The following COLGALT1 variants were observed in gnomAD, a reference collection of about 807,000 sequenced individuals.
The protein encoded by COLGALT1 is collagen beta(1-O)galactosyltransferase 1.
COLGALT1 carries 43 observed loss-of-function variants against 60.8 expected under a neutral mutation model. The ratio of observed to expected loss-of-function variants is 0.71; its 90% CI spans 0.55 to 0.91. COLGALT1 has a LOEUF of 0.91. Among genes scored for constraint, COLGALT1 ranks in the 40% least tolerant of loss-of-function variants. The pLI is 0.00. For missense variants in COLGALT1, 845 were observed against 880.0 expected, an observed-to-expected ratio of 0.96 and a Z score of 0.50; for synonymous variants, 369 against 374.2, an observed-to-expected ratio of 0.99 and a Z score of 0.16.
rs781729335 is a variant in COLGALT1, at chr19:17,578,101, G to T, written c.1266+12G>T. 3.8e-6 allele frequency: 6 copies of T among 1,589,312 alleles called. No homozygotes were observed. The highest frequency in any genetic ancestry group is 4.3e-6 in the Non-Finnish European group (5 of 1,166,654). On this transcript the variant is annotated intron_variant, in intron 9 of 11. Transcript: ENST00000252599. ...ACATCTGGAAGGAGGTGTGTCCTGA[G>T]TGATGGGCGGGGCCAGAGTTATGAC...
chr19:17,580,145 AGT>A lies in COLGALT1; in HGVS notation c.1394+540_1394+541del, dbSNP rs368771928. The A allele has an allele frequency of 2.6e-4, 47 of 183,128 alleles. No homozygotes were observed. In the East Asian group the frequency reaches 5.6e-3, roughly 22 times the overall value. The allele number at this position is 183,128 out of a possible 1,614,324, so 11.3% of individuals were successfully genotyped here. ...GTCAGAGCTGGAGGTGTGGCCGAAG[AGT>A]GTGGGGGCGTGGCCAGGGCGCCTGG... On this transcript the variant is annotated intron_variant, in intron 10 of 11. Transcript: ENST00000252599.
intron 5 of COLGALT1, among the ~76,000 whole-genome samples, 186 bp from the exon 6 acceptor site, chr19:17,572,297 C>T (rs1013944565): frequency 7.2e-6 from 1 of 137,934 alleles, no homozygotes; most frequent in African/African-American, 2.5e-5. Flanking sequence ...GAGTGAGACT[C>T]TGTCTTAAAA....
intron 1 of COLGALT1, among the ~76,000 whole-genome samples, chr19:17,556,280 G>T (rs2076210823): frequency 6.6e-6 from 1 of 152,216 alleles, no homozygotes; most frequent in South Asian, 2.1e-4. Context: ...CACCGCTTCT[G>T]CCTGCTGGAC....
In COLGALT1 at chr19:17,577,576, C is replaced by T. The variant is rs948828298; in HGVS notation, c.1133+109C>T. On this transcript the variant is annotated intron_variant, in intron 8 of 11. Coordinates refer to ENST00000252599, the MANE Select transcript of COLGALT1 (RefSeq NM_024656.4). ...GATGGGGGCGGGCGTGGTGTCCAAA[C>T]AGATGTAGACCTCGTCAGTGGGCGT... 3 of 1,017,258 alleles carry T rather than the reference C, an allele frequency of 2.9e-6. No individual in the cohort carries two copies. In the African/African-American group the frequency reaches 4.9e-5, roughly 17 times the overall value. 63.0% of individuals were successfully genotyped at this position (1,017,258 alleles called of 1,614,324 possible).
At chr19:17,566,789 T>C (rs1254979465) in intron 3 of COLGALT1, among the ~76,000 whole-genome samples, 1 of 151,962 alleles carries the variant, frequency 6.6e-6, no homozygotes, top group Non-Finnish European at 1.5e-5. Flanking sequence ...AGCAAGATGC[T>C]ATCCCTTTAA....
chr19:17,580,039 T>TGAGGCCTG (rs1262297436), intron 10 of COLGALT1: 5 of 193,528 alleles, frequency 2.6e-5, no homozygotes, highest in African/African-American at 4.6e-5. Context: ...GCTTAGAGAC[T>TGAGGCCTG]TGACTGAGGC....
At chr19:17,572,414 GA>G in intron 5 of COLGALT1, 68 bp from the exon 6 acceptor site, 2 of 1,607,746 alleles carry the variant, frequency 1.2e-6, no homozygotes, top group Non-Finnish European at 1.7e-6. Context: ...GAAGCCGTGG[GA>G]TGGAAGGCAT....
chr19:17,566,361 AAAAAAC>A (rs999209424), intron 3 of COLGALT1, among the ~76,000 whole-genome samples: 23 of 152,094 alleles, frequency 1.5e-4, no homozygotes, highest in African/African-American at 2.9e-4. Context: ...CGCCATCTCA[AAAAAAC>A]AAAAACAAAA....
intron 9 of COLGALT1, among the ~76,000 whole-genome samples, chr19:17,578,768 T>C (rs1022387160): frequency 5.3e-5 from 8 of 151,836 alleles, no homozygotes; most frequent in Admixed American, 2.0e-4. Context: ...CTCAGCACTT[T>C]GGGAGGCCGA....
chr19:17,568,493 C>G lies in COLGALT1; in HGVS notation c.625-16C>G, dbSNP rs376490239. 6.2e-7 allele frequency: 1 copy of G among 1,610,254 alleles called. No homozygotes were observed. The highest frequency in any genetic ancestry group is 1.3e-5 in the African/African-American group (1 of 74,818). Reference sequence around the variant, plus strand: ...TTTCAAGACCCCTACGCGGAACTCTCGCTCTCTCCCCACAGGGCTACTACA... The same window carrying G: ...TTTCAAGACCCCTACGCGGAACTCTGGCTCTCTCCCCACAGGGCTACTACA... On this transcript the variant is annotated splice_polypyrimidine_tract_variant and intron_variant, in intron 4 of 11. Transcript: ENST00000252599.
intron 6 of COLGALT1, among the ~76,000 whole-genome samples, chr19:17,573,677 A>G (rs2076325312): frequency 6.6e-6 from 1 of 152,168 alleles, no homozygotes; most frequent in Non-Finnish European, 1.5e-5. Flanking sequence ...CAGCCTGGGC[A>G]ATAGAGTAAG....
intron 6 of COLGALT1, among the ~76,000 whole-genome samples, chr19:17,574,278 T>G (rs997769889): frequency 6.6e-6 from 1 of 151,280 alleles, no homozygotes; most frequent in African/African-American, 2.4e-5. Flanking sequence ...TATCTGCGGC[T>G]CCCCCTGGTG....
chr19:17,575,103 G>A (rs1441777295), intron 6 of COLGALT1, among the ~76,000 whole-genome samples: 1 of 152,146 alleles, frequency 6.6e-6, no homozygotes, highest in African/African-American at 2.4e-5. Flanking sequence ...CTGGGCTGGA[G>A]TGCAATGGTG....
chr19:17,567,419 A>G lies in COLGALT1; in HGVS notation c.503A>G (p.Asp168Gly). 6.2e-7 allele frequency: 1 copy of G among 1,613,780 alleles called. No homozygotes were observed. The highest frequency in any genetic ancestry group is 1.3e-5 in the African/African-American group (1 of 75,026). Residue 168 changes from aspartate (D) to glycine (G), a missense_variant, in exon 4 of 12, where the codon GAC becomes GGC. Asp to Gly is a moderately conservative substitution (Grantham distance 94). Coordinates refer to ENST00000252599, the MANE Select transcript of COLGALT1 (RefSeq NM_024656.4). ...GGTGTTCTGCAGTTTGTAGATGCGG[A>G]CAACCTGATCCTCAACCCTGACACA... Reference protein sequence around the residue: ...WADYILFVDADNLILNPDTLS... With the variant: ...WADYILFVDAGNLILNPDTLS...
rs571016892 is a variant in COLGALT1 at position 17,572,530 on chromosome 19, G to T, written c.877G>T (p.Val293Leu). ...CNKEEYGFLP[V>L]PLRAHSTLQD... ...CAAGGAGGAGTACGGATTCTTGCCA[G>T]TGCCATTGCGCGCCCACAGCACCCT... The change falls in exon 6 of 12, where the codon GTG (valine) becomes TTG (leucine). Residue 293 changes from valine (V) to leucine (L), a missense_variant. Transcript: ENST00000252599. 6.2e-7 allele frequency: 1 copy of T among 1,614,158 alleles called. No individual in the cohort carries two copies. The highest frequency in any genetic ancestry group is 2.2e-5 in the East Asian group (1 of 44,870).
chr19:17,573,484 G>A (rs886571800), intron 6 of COLGALT1, among the ~76,000 whole-genome samples: 19 of 152,032 alleles, frequency 1.2e-4, no homozygotes, highest in Non-Finnish European at 1.5e-5. Context: ...AGCCGAGATC[G>A]TGCCACTGCA....
At position 17,582,060 on chromosome 19, in the gene COLGALT1, C is replaced by T. The variant is rs1234155009; in HGVS notation, c.*616C>T. 6.5e-6 allele frequency: 1 copy of T among 153,666 alleles called. No homozygotes were observed. The highest frequency in any genetic ancestry group is 2.4e-5 in the African/African-American group (1 of 41,386). The allele number at this position is 153,666 out of a possible 1,614,324, so 9.5% of individuals were successfully genotyped here. A position where few individuals can be genotyped will look rare whatever the true frequency, so the allele number is the denominator to read the frequency against. ...AGTAGCTGGGACTATAGGTGCGTGC[C>T]ATCACATCTGGCTAGTTTTTGTATT... On this transcript the variant is annotated 3_prime_UTR_variant, in exon 12 of 12. Coordinates refer to ENST00000252599, the MANE Select transcript of COLGALT1 (RefSeq NM_024656.4).
At chr19:17,577,149 T>A (rs1201523867) in intron 6 of COLGALT1, 46 bp from the exon 7 acceptor site, 1 of 1,588,944 alleles carries the variant, frequency 6.3e-7, no homozygotes, top group Non-Finnish European at 8.6e-7. Flanking sequence ...GGAGAGAGGC[T>A]GGAGGCTCCT....
intron 3 of COLGALT1, among the ~76,000 whole-genome samples, chr19:17,563,269 C>T (rs1269613663): frequency 1.4e-5 from 2 of 148,120 alleles, no homozygotes; most frequent in African/African-American, 2.5e-5. Flanking sequence ...TGGCTCACTG[C>T]AGCCTCCACC....
Sources: allele counts gnomAD v4.1 joint callset (sites outside exome capture counted in the v4.1 genomes callset), GRCh38; gene constraint gnomAD v4.1.1; transcripts MANE v1.5; gene names NCBI Gene and HGNC (gene_info 2026-07-23, HGNC 2026-07-21).